The following CCNL1 variants were observed in gnomAD, a reference collection of about 807,000 sequenced individuals.
CCNL1 encodes the protein cyclin-L1.
CCNL1 carries 13 observed loss-of-function variants against 60.6 expected under a neutral mutation model. That is an observed-to-expected ratio of 0.21 (90% CI 0.14 to 0.34). The LOEUF is 0.34. Among genes scored for constraint, CCNL1 ranks in the 10% least tolerant of loss-of-function variants. CCNL1 has a pLI of 1.00. For missense variants in CCNL1, 481 were observed against 664.3 expected (o/e 0.72, Z 3.03); for synonymous variants, 270 against 244.3 (o/e 1.10, Z -0.98).
intron 3 of CCNL1, 147 bp downstream of exon 3, chr3:157,158,719 G>A (rs545953526): frequency 7.3e-6 from 4 of 545,024 alleles, no homozygotes; most frequent in African/African-American, 1.9e-5. Context: ...TTAAGTATCA[G>A]TGTTCCTATA....
intron 8 of CCNL1, 34 bp downstream of exon 8, chr3:157,149,801 GC>G: frequency 6.3e-7 from 1 of 1,594,078 alleles, no homozygotes. Context: ...CACTTTCAGT[GC>G]CCCCAAGTCA....
At chr3:157,146,609 TAAAAAA>T (rs67249134), downstream of CCNL1, 76,801 of 275,896 alleles carry the variant, frequency 0.28, 6,067 homozygotes, top group Admixed American at 0.45. Context: ...ACCTCGTCTC[TAAAAAA>T]AAAAAAAAAA....
chr3:157,151,719 A>G, intron 5 of CCNL1: 6 of 1,013,182 alleles, frequency 5.9e-6, no homozygotes, highest in Non-Finnish European at 7.1e-6. Context: ...TAGGCATGTC[A>G]AATAGTTACT....
At chr3:157,149,753 A>G (rs1738027333) in intron 8 of CCNL1, 83 bp downstream of exon 8, 2 of 1,532,638 alleles carry the variant, frequency 1.3e-6, no homozygotes, top group Non-Finnish European at 8.8e-7. Flanking sequence ...ATTTTTCTCT[A>G]TGCAACTTTC....
At chr3:157,159,058 C>T in intron 2 of CCNL1, 83 bp from the exon 3 acceptor site, 1 of 904,052 alleles carries the variant, frequency 1.1e-6, no homozygotes, top group Non-Finnish European at 1.8e-6. Context: ...ATTGGGACAA[C>T]CTTTAGTAAA....
rs183035756 is a variant in CCNL1 at position 157,151,854 on chromosome 3, T to C, written c.674+323A>G. The C allele has an allele frequency of 6.1e-4, 718 of 1,182,618 alleles. 5 individuals are homozygous for C. The African/African-American group carries it at 0.011, about 18-fold the overall frequency. 73.3% of individuals were successfully genotyped at this position (1,182,618 alleles called of 1,614,324 possible). The stretch of plus-strand genomic sequence containing the variant: ...GCACTGGATTGGCTGGAGAGCAGGG[T>C]AGCCAATCAGGCCATCCTGAGGTCA... On this transcript the variant is annotated intron_variant, in intron 5 of 10. Transcript: ENST00000295926.
At position 157,148,044 on chromosome 3, in the gene CCNL1, C is replaced by G; in HGVS notation, c.*197G>C. The G allele has an allele frequency of 7.3e-7, 1 of 1,371,522 alleles. No homozygotes were observed. Among genetic ancestry groups the G allele is most frequent in the Non-Finnish European group, 9.4e-7 (1 of 1,067,422 alleles). 85.0% of individuals were successfully genotyped at this position (1,371,522 alleles called of 1,614,324 possible). On this transcript the variant is annotated 3_prime_UTR_variant, in exon 11 of 11. Transcript: ENST00000295926. ...CCTGACCATGGTTTTTAATTAGATA[C>G]TGCTAGGGCATTTTAATGTGCAAAA...
At chr3:157,155,287 G>C (rs1015003470) in intron 3 of CCNL1, among the ~76,000 whole-genome samples, 1 of 152,096 alleles carries the variant, frequency 6.6e-6, no homozygotes, top group African/African-American at 2.4e-5. Flanking sequence ...AAGATAACCT[G>C]CTTTAAGAAC....
At position 157,148,067 on chromosome 3, in the gene CCNL1, A is replaced by C; in HGVS notation, c.*174T>G. ...TACTGCTAGGGCATTTTAATGTGCAAAAAAATTAACATAGTTCTTTTCAAA... is the reference window on the plus strand; with the variant it reads ...TACTGCTAGGGCATTTTAATGTGCACAAAAATTAACATAGTTCTTTTCAAA... On this transcript the variant is annotated 3_prime_UTR_variant, in exon 11 of 11. Transcript: ENST00000295926. 3 of 1,384,340 alleles carry C rather than the reference A, an allele frequency of 2.2e-6. No individual in the cohort carries two copies. The highest frequency in any genetic ancestry group is 2.8e-6 in the Non-Finnish European group (3 of 1,073,608). 85.8% of individuals were successfully genotyped at this position (1,384,340 alleles called of 1,614,324 possible). A position where few individuals can be genotyped will look rare whatever the true frequency, so the allele number is the denominator to read the frequency against.
chr3:157,154,972 A>G (rs1286147763), intron 3 of CCNL1, among the ~76,000 whole-genome samples: 1 of 152,138 alleles, frequency 6.6e-6, no homozygotes, highest in African/African-American at 2.4e-5. Context: ...ATACATACAT[A>G]TAAACATATT....
chr3:157,147,423 A>C, downstream of CCNL1: 1 of 249,564 alleles, frequency 4.0e-6, no homozygotes, highest in Non-Finnish European at 6.4e-6. Flanking sequence ...TTAAATGCCT[A>C]AATTATACAG....
At chr3:157,148,885 C>T in intron 10 of CCNL1, 1 of 370,630 alleles carries the variant, frequency 2.7e-6, no homozygotes, top group Non-Finnish European at 4.8e-6. Flanking sequence ...CATTGAAGAG[C>T]CACGAAGAGC....
chr3:157,159,001 G>C (rs761195304), intron 2 of CCNL1, 26 bp from the exon 3 acceptor site: 15 of 1,478,868 alleles, frequency 1.0e-5, no homozygotes, highest in Non-Finnish European at 1.3e-5. Flanking sequence ...AGCCACAAAA[G>C]CCATTGTTAG....
At position 157,159,482 on chromosome 3, in the gene CCNL1, G is replaced by C. The variant is rs1386522102; in HGVS notation, c.304-3C>G. 6.2e-7 allele frequency: 1 copy of C among 1,603,434 alleles called. No individual in the cohort carries two copies. The highest frequency in any genetic ancestry group is 1.3e-5 in the African/African-American group (1 of 74,316). On this transcript the variant is annotated splice_region_variant and splice_polypyrimidine_tract_variant and intron_variant, in intron 1 of 10. Coordinates refer to ENST00000295926, the MANE Select transcript of CCNL1 (RefSeq NM_020307.4). ...ACCTGCCCCGTTGCCATCGCCACCT[G>C]CAGACAAGAGAGGAGAACGGAAGCG...
In CCNL1 at chr3:157,147,834, A is replaced by T; in HGVS notation, c.*407T>A. The T allele has an allele frequency of 1.0e-6, 1 of 988,422 alleles. No homozygotes were observed. Among genetic ancestry groups the T allele is most frequent in the Non-Finnish European group, 1.2e-6 (1 of 831,666 alleles). The allele number at this position is 988,422 out of a possible 1,614,324, so 61.2% of individuals were successfully genotyped here. ...AGATTTGTATTTTATTTCCTTGTAA[A>T]AATCTTTACACATGCAGACAAACCA... On this transcript the variant is annotated 3_prime_UTR_variant, in exon 11 of 11. Transcript: ENST00000295926.
chr3:157,149,738 A>G, intron 8 of CCNL1, 98 bp downstream of exon 8: 1 of 1,495,478 alleles, frequency 6.7e-7, no homozygotes, highest in East Asian at 2.3e-5. Flanking sequence ...CAGTTTCCTA[A>G]CATCATTTTT....
intron 4 of CCNL1, 108 bp from the exon 5 acceptor site, chr3:157,152,349 A>G: frequency 1.3e-6 from 2 of 1,517,526 alleles, no homozygotes; most frequent in East Asian, 2.4e-5. Flanking sequence ...CTAATTGTGC[A>G]TCGATAATAC....
At chr3:157,155,434 A>C (rs140345741) in intron 3 of CCNL1, among the ~76,000 whole-genome samples, 6 of 152,290 alleles carry the variant, frequency 3.9e-5, no homozygotes, top group Non-Finnish European at 8.8e-5. Flanking sequence ...TCAAAATGCC[A>C]ATGACATCAA....
chr3:157,149,404 T>TA lies in CCNL1; in HGVS notation c.1134-20dup. Reference sequence around the variant, plus strand: ...TCTTACACTTCAAAAAATCATGACATATTAGTTACAAACTTAGTGTGTTAA... The same window carrying TA: ...TCTTACACTTCAAAAAATCATGACATAATTAGTTACAAACTTAGTGTGTTAA... On this transcript the variant is annotated intron_variant, in intron 9 of 10. Coordinates refer to ENST00000295926, the MANE Select transcript of CCNL1 (RefSeq NM_020307.4). 1 of 1,611,126 alleles carries TA rather than the reference T, an allele frequency of 6.2e-7. No individual in the cohort carries two copies. Among genetic ancestry groups the TA allele is most frequent in the Non-Finnish European group, 8.5e-7 (1 of 1,177,352 alleles).
Sources: gnomAD v4.1 joint callset for allele counts (sites outside exome capture counted in the v4.1 genomes callset) on GRCh38, gnomAD v4.1.1 for gene constraint, MANE v1.5 for transcripts, NCBI Gene and HGNC (gene_info 2026-07-23, HGNC 2026-07-21) for gene names.